Variants in FAAH2 observed in about 807,000 individuals in gnomAD.
FAAH2 encodes fatty acid amide hydrolase 2.
In FAAH2, 60 loss-of-function variants were observed where a neutral mutation model predicts 36.9. The observed-to-expected ratio is 1.63, with a 90% CI of 1.32 to 2.02. The LOEUF (loss-of-function observed/expected upper bound fraction) is 2.02. Ranked by LOEUF, FAAH2 falls within the 30% of genes most tolerant of loss-of-function variation. FAAH2 has a pLI of 0.00. For synonymous variants in FAAH2, 214 were observed against 143.8 expected (o/e 1.49, Z -3.49); for missense variants, 689 against 397.5 (o/e 1.73, Z -6.23).
the FAAH2 span, among the ~76,000 whole-genome samples, chrX:57,175,706 T>C: frequency 8.9e-6 from 1 of 111,943 alleles, no homozygotes. Flanking sequence ...CTGGTCTATA[T>C]TGAACCTCCG....
chrX:57,325,529 T>C (rs2053189059), intron 3 of FAAH2, among the ~76,000 whole-genome samples: 1 of 110,824 alleles, frequency 9.0e-6, no homozygotes, highest in Non-Finnish European at 1.9e-5. Flanking sequence ...CTGTTATTAG[T>C]CTATTCAGAG....
At chrX:57,454,912 C>T (rs1374336235) in intron 10 of FAAH2, among the ~76,000 whole-genome samples, 1 of 111,388 alleles carries the variant, frequency 9.0e-6, no homozygotes, top group East Asian at 2.8e-4. Flanking sequence ...CCCCAAACGT[C>T]CCAGGGAGGA....
At chrX:57,203,062 A>G in the FAAH2 span, among the ~76,000 whole-genome samples, 1 of 112,054 alleles carries the variant, frequency 8.9e-6, no homozygotes, top group Non-Finnish European at 1.9e-5. Context: ...CAGTGACGCT[A>G]AAGGAATTAA....
At chrX:57,202,904 C>G in the FAAH2 span, among the ~76,000 whole-genome samples, 6 of 111,933 alleles carry the variant, frequency 5.4e-5, no homozygotes, top group Middle Eastern at 4.6e-3. Flanking sequence ...AAAAGCCTCA[C>G]CCCATCATCA....
the FAAH2 span, among the ~76,000 whole-genome samples, chrX:57,182,218 A>G: frequency 8.9e-6 from 1 of 112,566 alleles, no homozygotes; most frequent in Non-Finnish European, 1.9e-5. Flanking sequence ...AATTGCAACA[A>G]AAGCAATAAT....
chrX:57,156,440 G>T, the FAAH2 span, among the ~76,000 whole-genome samples: 1 of 111,793 alleles, frequency 8.9e-6, no homozygotes, highest in Non-Finnish European at 1.9e-5. Context: ...AATGCTTGTG[G>T]ATATTCTTCA....
intron 7 of FAAH2, among the ~76,000 whole-genome samples, chrX:57,407,113 C>T (rs1385035532): frequency 8.9e-6 from 1 of 112,025 alleles, no homozygotes; most frequent in Non-Finnish European, 1.9e-5. Context: ...TGGCTCATGC[C>T]AAAGGCTAGA....
the FAAH2 span, among the ~76,000 whole-genome samples, chrX:57,150,353 A>T: frequency 8.9e-6 from 1 of 111,857 alleles, no homozygotes; most frequent in African/African-American, 3.3e-5. Flanking sequence ...TAATGTTGAC[A>T]GTGGGGTGTT....
the FAAH2 span, among the ~76,000 whole-genome samples, chrX:57,278,630 C>T: frequency 6.8e-4 from 51 of 74,909 alleles, no homozygotes; most frequent in Non-Finnish European, 3.9e-4. Flanking sequence ...ATAATAATAA[C>T]AATAAAACAA....
At chrX:57,359,533 T>C (rs781370189) in intron 5 of FAAH2, among the ~76,000 whole-genome samples, 3 of 111,788 alleles carry the variant, frequency 2.7e-5, no homozygotes, top group Non-Finnish European at 5.7e-5. Context: ...TCCCAAATAA[T>C]ATATATTTTA....
chrX:57,251,888 G>T, the FAAH2 span, among the ~76,000 whole-genome samples: 868 of 111,748 alleles, frequency 7.8e-3, 5 homozygotes, highest in Non-Finnish European at 0.012. Context: ...AAAGTGGGGG[G>T]TGGGGGAGTG....
chrX:57,187,682 G>A, the FAAH2 span, among the ~76,000 whole-genome samples: 1 of 111,361 alleles, frequency 9.0e-6, no homozygotes, highest in South Asian at 3.8e-4. Context: ...TGTCCCTTCA[G>A]TGTGATATTG....
At chrX:57,453,835 AGATCACT>A (rs1375069498) in intron 10 of FAAH2, among the ~76,000 whole-genome samples, 4 of 112,174 alleles carry the variant, frequency 3.6e-5, no homozygotes, top group African/African-American at 1.3e-4. Flanking sequence ...CCTCGTTCTC[AGATCACT>A]GAGAGAAGTG....
At chrX:57,136,783 T>TG in the FAAH2 span, 1 of 347,780 alleles carries the variant, frequency 2.9e-6, no homozygotes, top group South Asian at 4.1e-5. Context: ...CTTTGGGCTG[T>TG]GGGGAAGGGC....
chrX:57,204,296 T>C, the FAAH2 span, among the ~76,000 whole-genome samples: 1 of 111,279 alleles, frequency 9.0e-6, no homozygotes, highest in African/African-American at 3.3e-5. Flanking sequence ...AGAAAGCATG[T>C]GTAACTGTGT....
chrX:57,203,946 G>A, the FAAH2 span, among the ~76,000 whole-genome samples: 5 of 111,642 alleles, frequency 4.5e-5, no homozygotes, highest in South Asian at 1.5e-3. Context: ...AGTTGAGGTT[G>A]AGGTGCCACT....
intron 10 of FAAH2, among the ~76,000 whole-genome samples, chrX:57,463,973 A>C (rs930954132): frequency 8.9e-6 from 1 of 112,023 alleles, no homozygotes; most frequent in Non-Finnish European, 1.9e-5. Flanking sequence ...TTGCAGCACT[A>C]TTTACACTAG....
chrX:57,320,547 A>AGG lies in FAAH2; in HGVS notation c.412+9818_412+9819insGG, dbSNP rs2052990287. Among the ~76,000 whole-genome samples the AGG allele has an allele frequency of 2.7e-5, 3 of 112,448 alleles. No homozygotes were observed. The East Asian group carries it at 8.3e-4, about 31-fold the overall frequency. On this transcript the variant is annotated intron_variant, in intron 3 of 10. Coordinates refer to ENST00000374900, the MANE Select transcript of FAAH2 (RefSeq NM_174912.4). ...GATGCTGGAGAGGATGTGGAGAAATAAAAATGCTTTTACATTGTTGGTGGG... is the reference window on the plus strand; with the variant it reads ...GATGCTGGAGAGGATGTGGAGAAATAGGAAAATGCTTTTACATTGTTGGTGGG...
intron 2 of FAAH2, among the ~76,000 whole-genome samples, chrX:57,303,874 C>T (rs1210543161): frequency 8.9e-6 from 1 of 112,017 alleles, no homozygotes; most frequent in East Asian, 2.8e-4. Context: ...TACACCTATA[C>T]TCACTGAAAT....
Sources: gnomAD v4.1 joint callset for allele counts (sites outside exome capture counted in the v4.1 genomes callset) on GRCh38, gnomAD v4.1.1 for gene constraint, MANE v1.5 for transcripts, NCBI Gene and HGNC (gene_info 2026-07-23, HGNC 2026-07-21) for gene names.